ECSCR: variants seen among roughly 807,000 people sequenced by gnomAD.
The protein encoded by ECSCR is endothelial cell surface expressed chemotaxis and apoptosis regulator, also known as endothelial cell-specific chemotaxis regulator.
ECSCR carries 12 observed loss-of-function variants against 16.7 expected under a neutral mutation model. The ratio of observed to expected loss-of-function variants is 0.72; its 90% CI spans 0.46 to 1.17. The LOEUF is 1.17. Among genes scored for constraint, ECSCR ranks in the 50% most tolerant of loss-of-function variants. The pLI, the probability that ECSCR is intolerant of heterozygous loss-of-function variation, is 0.00. For missense variants in ECSCR, 122 were observed against 116.1 expected, an observed-to-expected ratio of 1.05 and a Z score of -0.23; for synonymous variants, 44 against 42.2, an observed-to-expected ratio of 1.04 and a Z score of -0.17.
At chr5:139,454,441 G>A (rs899519345) in intron 8 of ECSCR, among the ~76,000 whole-genome samples, 161 bp downstream of exon 8, 4 of 147,776 alleles carry the variant, frequency 2.7e-5, no homozygotes, top group Admixed American at 6.8e-5. Context: ...GTGAGGTGTA[G>A]GGTGTGTGGT....
At position 139,457,449 on chromosome 5, in the gene ECSCR, G is replaced by A. The variant is rs959061008; in HGVS notation, c.217+96C>T. 1,849 of 772,182 alleles carry A rather than the reference G, an allele frequency of 2.4e-3. 4 individuals are homozygous for A. The highest frequency in any genetic ancestry group is 3.8e-3 in the Middle Eastern group (14 of 3,720). The allele number at this position is 772,182 out of a possible 1,614,324, so 47.8% of individuals were successfully genotyped here. On this transcript the variant is annotated intron_variant, in intron 4 of 9. Coordinates refer to ENST00000618155, the MANE Select transcript of ECSCR (RefSeq NM_001077693.4). ...AGGGTCTATTTCCTTGTCTGTTCCC[G>A]CTCGCCCCAGTCTATATTCTCTTTT...
At position 139,455,345 on chromosome 5, in the gene ECSCR, A is replaced by G. The variant is rs1379092412; in HGVS notation, c.354T>C (p.Thr118=). 1.0e-5 allele frequency: 4 copies of G among 398,588 alleles called. No individual in the cohort carries two copies. In the Admixed American group the frequency reaches 1.3e-4, roughly 13 times the overall value. 24.7% of individuals were successfully genotyped at this position (398,588 alleles called of 1,614,324 possible). A position where few individuals can be genotyped will look rare whatever the true frequency, so the allele number is the denominator to read the frequency against. Residue 118 remains threonine (T), a synonymous_variant, in exon 6 of 10, where the codon ACT becomes ACC. Coordinates refer to ENST00000618155, the MANE Select transcript of ECSCR (RefSeq NM_001077693.4). ...CACCAAATGCAGCCACAGTGAGCACAGTCTCTGACGTGGGGCTGGGCAGGA... is the reference window on the plus strand; with the variant it reads ...CACCAAATGCAGCCACAGTGAGCACGGTCTCTGACGTGGGGCTGGGCAGGA... ...ATILPSPTSE[T]VLTVAAFGVI... is the part of the protein sequence containing the mutation.
intron 8 of ECSCR, among the ~76,000 whole-genome samples, chr5:139,450,692 C>T (rs181412258): frequency 3.3e-4 from 50 of 151,108 alleles, no homozygotes; most frequent in African/African-American, 1.2e-3. Context: ...AGGAGAATCA[C>T]TTGAACCTGG....
intron 8 of ECSCR, 109 bp from the exon 9 acceptor site, chr5:139,449,283 A>G (rs898008814): frequency 2.8e-5 from 22 of 772,646 alleles, no homozygotes; most frequent in Non-Finnish European, 4.7e-5. Context: ...AAAAATCTAT[A>G]TTTTGGTGGT....
In ECSCR at chr5:139,455,814, TA is replaced by T. The variant is rs1187505493; in HGVS notation, c.263-379del. ...CAACATGGTGAAACCCCATCTCTCC[TA>T]AAAAAAAAAAAAAAAAAAAAAAAAA... On this transcript the variant is annotated intron_variant, in intron 5 of 9. Coordinates refer to ENST00000618155, the MANE Select transcript of ECSCR (RefSeq NM_001077693.4). 9.1e-3 allele frequency among the ~76,000 whole-genome samples: 448 copies of T among 49,084 alleles called. 1 individual carries two copies. Among genetic ancestry groups the T allele is most frequent in the Non-Finnish European group, 0.013 (351 of 27,880 alleles). 32.2% of individuals were successfully genotyped at this position (49,084 alleles called of 152,430 possible). A position where few individuals can be genotyped will look rare whatever the true frequency, so the allele number is the denominator to read the frequency against.
intron 5 of ECSCR, among the ~76,000 whole-genome samples, chr5:139,455,909 G>T (rs938477846): frequency 4.6e-5 from 7 of 151,578 alleles, no homozygotes; most frequent in Non-Finnish European, 7.4e-5. Flanking sequence ...AGATCATGAG[G>T]TCAGGAGTTC....
Position 139,452,395 on chromosome 5 carries a change from T to G in ECSCR, c.512+2207A>C, listed in dbSNP as rs1207472260. On this transcript the variant is annotated intron_variant, in intron 8 of 9. Transcript: ENST00000618155. ...TGAGGCCTGTGCTGTATTTGAGGTG[T>G]GTGTGTGGAGGGGTGTATAGTATGG... Among the ~76,000 whole-genome samples, 10 of 148,526 alleles carry G rather than the reference T, an allele frequency of 6.7e-5. No individual in the cohort carries two copies. In the East Asian group the frequency reaches 1.0e-3, roughly 15 times the overall value.
chr5:139,462,721 A>T lies in ECSCR; in HGVS notation c.-51T>A. ...CAGCAGCTCAGTGGAGGCTCTGTCC[A>T]TAGTGGAGAAGAGAGAGGGAGTGCT... On this transcript the variant is annotated 5_prime_UTR_variant, in exon 1 of 10. The change abolishes an upstream ATG in the 5' untranslated region. Coordinates refer to ENST00000618155, the MANE Select transcript of ECSCR (RefSeq NM_001077693.4). 2 of 969,194 alleles carry T rather than the reference A, an allele frequency of 2.1e-6. No individual in the cohort carries two copies. The highest frequency in any genetic ancestry group is 2.9e-6 in the Non-Finnish European group (2 of 688,040). 60.0% of individuals were successfully genotyped at this position (969,194 alleles called of 1,614,324 possible).
chr5:139,458,071 G>A (rs1751199164), intron 2 of ECSCR, 68 bp downstream of exon 2: 2 of 1,488,574 alleles, frequency 1.3e-6, no homozygotes, highest in Admixed American at 2.0e-5. Flanking sequence ...AATTGGCATA[G>A]AGCTCCTCTC....
chr5:139,458,212 G>C, intron 1 of ECSCR, 29 bp from the exon 2 acceptor site: 1 of 1,548,488 alleles, frequency 6.5e-7, no homozygotes, highest in Non-Finnish European at 8.7e-7. Context: ...CACATAGCTT[G>C]GTAAGTCCCC....
chr5:139,451,554 A>G (rs1289535103), intron 8 of ECSCR, among the ~76,000 whole-genome samples: 4 of 91,760 alleles, frequency 4.4e-5, no homozygotes, highest in African/African-American at 1.3e-4. Context: ...AGTATAGGGT[A>G]CGGGGTGTGT....
chr5:139,454,542 T>C, intron 8 of ECSCR, 60 bp downstream of exon 8: 1 of 397,920 alleles, frequency 2.5e-6, no homozygotes. Context: ...CAGGAAGTGT[T>C]GGTTCCCTCT....
At position 139,460,133 on chromosome 5, in the gene ECSCR, G is replaced by T. The variant is rs200167153; in HGVS notation, c.62-1950C>A. The stretch of plus-strand genomic sequence containing the variant: ...ATCCAGCATATGTAATGTATTTTTT[G>T]TTTTTTTTTTTTCGTTTTGAGACAG... On this transcript the variant is annotated intron_variant, in intron 1 of 9. Coordinates refer to ENST00000618155, the MANE Select transcript of ECSCR (RefSeq NM_001077693.4). 3.5e-5 allele frequency among the ~76,000 whole-genome samples: 5 copies of T among 140,924 alleles called. No individual in the cohort carries two copies. The South Asian group carries it at 6.9e-4, about 19-fold the overall frequency. The allele number at this position is 140,924 out of a possible 152,430, so 92.5% of individuals were successfully genotyped here.
chr5:139,455,466 C>T (rs1751136510), intron 5 of ECSCR, 30 bp from the exon 6 acceptor site: 3 of 397,502 alleles, frequency 7.5e-6, no homozygotes, highest in Non-Finnish European at 1.3e-5. Flanking sequence ...GGGGCATCAG[C>T]GAAGGGGACT....
chr5:139,450,504 A>C (rs1751015918), intron 8 of ECSCR, among the ~76,000 whole-genome samples: 1 of 143,232 alleles, frequency 7.0e-6, no homozygotes, highest in South Asian at 2.2e-4. Context: ...AAGGCTGGGC[A>C]TGGTGGCTCA....
intron 1 of ECSCR, among the ~76,000 whole-genome samples, chr5:139,458,761 G>A (rs777674075): frequency 2.7e-5 from 4 of 150,384 alleles, no homozygotes; most frequent in South Asian, 2.1e-4. Context: ...CATGAGAATC[G>A]CTTGAACCCG....
intron 1 of ECSCR, among the ~76,000 whole-genome samples, chr5:139,459,996 G>T (rs1201426226): frequency 2.0e-5 from 3 of 152,206 alleles, no homozygotes; most frequent in Non-Finnish European, 2.9e-5. Context: ...GTCAAGAGGG[G>T]AGTCAAAATT....
At chr5:139,462,213 G>A (rs1453438749) in intron 1 of ECSCR, among the ~76,000 whole-genome samples, 1 of 152,188 alleles carries the variant, frequency 6.6e-6, no homozygotes, top group Non-Finnish European at 1.5e-5. Flanking sequence ...TGGTGCAGAG[G>A]ATTTGTGTTA....
At chr5:139,459,644 C>T (rs1205911268) in intron 1 of ECSCR, among the ~76,000 whole-genome samples, 3 of 152,212 alleles carry the variant, frequency 2.0e-5, no homozygotes, top group Admixed American at 6.5e-5. Context: ...AGGAAAACAA[C>T]GTGGGGAAGT....
Sources: allele counts gnomAD v4.1 joint callset (sites outside exome capture counted in the v4.1 genomes callset), GRCh38; gene constraint gnomAD v4.1.1; transcripts MANE v1.5; gene names NCBI Gene and HGNC (gene_info 2026-07-23, HGNC 2026-07-21).